Variants in RAB27A observed in about 807,000 individuals in gnomAD.
The protein encoded by RAB27A is ras-related protein Rab-27A.
RAB27A carries 17 observed loss-of-function variants against 20.8 expected under a neutral mutation model. That is an observed-to-expected ratio of 0.82 (90% confidence interval 0.56 to 1.23). The LOEUF is 1.23. Among genes scored for constraint, RAB27A ranks in the 50% most tolerant of loss-of-function variants. The pLI is 0.00. For missense variants in RAB27A, 277 were observed against 266.7 expected, an observed-to-expected ratio of 1.04 and a Z score of -0.27; for synonymous variants, 85 against 92.8, an observed-to-expected ratio of 0.92 and a Z score of 0.48.
At chr15:55,313,805 C>T (rs1404744957) in intron 2 of RAB27A, among the ~76,000 whole-genome samples, 3 of 152,016 alleles carry the variant, frequency 2.0e-5, no homozygotes, top group African/African-American at 7.2e-5. Flanking sequence ...AGCCCTGTCT[C>T]TACTAAAAAT....
intron 2 of RAB27A, among the ~76,000 whole-genome samples, chr15:55,260,588 A>C (rs533088395): frequency 6.6e-6 from 1 of 152,366 alleles, no homozygotes; most frequent in South Asian, 2.1e-4. Flanking sequence ...CATTCAGACA[A>C]TGGAAAATTA....
intron 6 of RAB27A, among the ~76,000 whole-genome samples, chr15:55,205,942 G>A (rs551167780): frequency 2.6e-5 from 4 of 152,012 alleles, no homozygotes; most frequent in Non-Finnish European, 4.4e-5. Flanking sequence ...TTGGCTGGGC[G>A]CAGTGGCTCA....
chr15:55,228,848 G>T, intron 4 of RAB27A, 136 bp from the exon 5 acceptor site: 3 of 710,844 alleles, frequency 4.2e-6, no homozygotes, highest in Non-Finnish European at 5.1e-6. Flanking sequence ...AAGTATATAG[G>T]ATAGTTATTT....
chr15:55,288,958 T>A (rs984116988), intron 1 of RAB27A: 1 of 152,050 alleles, frequency 6.6e-6, no homozygotes, highest in African/African-American at 2.4e-5. Flanking sequence ...CAACCAACCA[T>A]AAAATGTGAG....
chr15:55,241,535 C>A (rs532095851), intron 2 of RAB27A, among the ~76,000 whole-genome samples: 2 of 149,818 alleles, frequency 1.3e-5, no homozygotes, highest in East Asian at 3.9e-4. Context: ...ACTGAGGAGG[C>A]TGAGGCAGAA....
At chr15:55,272,072 TAG>T (rs1182905131) in intron 1 of RAB27A, among the ~76,000 whole-genome samples, 26 of 152,200 alleles carry the variant, frequency 1.7e-4, no homozygotes, top group Non-Finnish European at 5.9e-5. Flanking sequence ...TAAAATTCAT[TAG>T]AGTTAGCTTC....
chr15:55,258,301 G>T lies in RAB27A; in HGVS notation c.-23+11864C>A, dbSNP rs142353366. On this transcript the variant is annotated intron_variant, in intron 2 of 6. Coordinates refer to ENST00000336787, the MANE Select transcript of RAB27A (RefSeq NM_183235.3). ...CCTGTTTTTGGTCTCACTTAACACT[G>T]CTATATGTATGTGCCTGTCTCCTAA... Among the ~76,000 whole-genome samples, 208 of 152,216 alleles carry T rather than the reference G, an allele frequency of 1.4e-3. 2 individuals carry two copies. The highest frequency in any genetic ancestry group is 6.8e-3 in the Middle Eastern group (2 of 294).
intron 2 of RAB27A, among the ~76,000 whole-genome samples, chr15:55,298,631 C>A (rs149034893): frequency 0.029 from 4,439 of 152,234 alleles, 222 homozygotes; most frequent in African/African-American, 0.1. Context: ...GTTTTGAGAG[C>A]AACCAGTCTG....
upstream of RAB27A, among the ~76,000 whole-genome samples, chr15:55,292,144 G>A (rs560278315): frequency 2.6e-5 from 4 of 152,250 alleles, no homozygotes; most frequent in Admixed American, 6.5e-5. Flanking sequence ...GAGGCTGTGC[G>A]GTGAATAACC....
exon 1 of RAB27A, chr15:55,319,051 C>T: frequency 1.6e-6 from 1 of 614,040 alleles, no homozygotes. Context: ...AAGCCAAAGG[C>T]GAGTAGCAAT....
intron 1 of RAB27A, among the ~76,000 whole-genome samples, chr15:55,274,826 G>GAGAGA (rs1897816221): frequency 1.2e-4 from 6 of 49,284 alleles, no homozygotes; most frequent in African/African-American, 4.0e-4. Context: ...ATATATATAT[G>GAGAGA]TATAGAGAGA....
exon 1 of RAB27A, chr15:55,319,110 C>G (rs1171206272): frequency 8.1e-6 from 8 of 990,046 alleles, no homozygotes; most frequent in Non-Finnish European, 7.2e-6. Flanking sequence ...GCCACCACGT[C>G]GGGTGGGAGC....
chr15:55,299,004 T>A (rs1475350690), intron 2 of RAB27A, among the ~76,000 whole-genome samples: 3 of 152,206 alleles, frequency 2.0e-5, no homozygotes, highest in Non-Finnish European at 2.9e-5. Flanking sequence ...ACATGCTGTA[T>A]AATTTGTGCA....
At chr15:55,250,372 AG>A (rs1267717406) in intron 2 of RAB27A, among the ~76,000 whole-genome samples, 4 of 152,220 alleles carry the variant, frequency 2.6e-5, no homozygotes, top group African/African-American at 9.6e-5. Context: ...TACTTTGTTA[AG>A]CTATTTATGG....
intron 1 of RAB27A, among the ~76,000 whole-genome samples, chr15:55,285,613 C>G (rs1898130505): frequency 6.6e-6 from 1 of 152,156 alleles, no homozygotes. Flanking sequence ...GGCAGAAGAA[C>G]AAATACAGTC....
chr15:55,318,120 C>G (rs557154978), intron 1 of RAB27A, among the ~76,000 whole-genome samples: 1 of 134,568 alleles, frequency 7.4e-6, no homozygotes, highest in Non-Finnish European at 1.5e-5. Flanking sequence ...TTTTTTGAGA[C>G]GGAGTCTCGC....
chr15:55,298,721 A>G (rs1371068492), intron 2 of RAB27A, among the ~76,000 whole-genome samples: 1 of 152,178 alleles, frequency 6.6e-6, no homozygotes, highest in Non-Finnish European at 1.5e-5. Context: ...TTTCACCCCT[A>G]CAGTCTACAG....
rs1898069020 is a variant in RAB27A, at chr15:55,283,434, C to T, written c.-143+6282G>A. 2.0e-5 allele frequency among the ~76,000 whole-genome samples: 3 copies of T among 152,268 alleles called. No individual in the cohort carries two copies. In the South Asian group the frequency reaches 6.2e-4, roughly 32 times the overall value. On this transcript the variant is annotated intron_variant, in intron 1 of 6. Coordinates refer to ENST00000336787, the MANE Select transcript of RAB27A (RefSeq NM_183235.3). Reference sequence around the variant, plus strand: ...AGGAAGTCCGGAACACAGGAATGAGCCGCCACCTGAGGAAATACCACAACC... The same window carrying T: ...AGGAAGTCCGGAACACAGGAATGAGTCGCCACCTGAGGAAATACCACAACC...
rs752665899 is a variant in RAB27A, at chr15:55,223,848, T to C, written c.467+41A>G. 1.8e-5 allele frequency: 29 copies of C among 1,607,632 alleles called. No individual in the cohort carries two copies. In the East Asian group the frequency reaches 3.6e-4, roughly 20 times the overall value. ...TACCATTCACCTGCTAATGTTTATATTGAAAATGTTTTCTCTAGACTTCTC... is the reference window on the plus strand; with the variant it reads ...TACCATTCACCTGCTAATGTTTATACTGAAAATGTTTTCTCTAGACTTCTC... On this transcript the variant is annotated intron_variant, in intron 6 of 6. Coordinates refer to ENST00000336787, the MANE Select transcript of RAB27A (RefSeq NM_183235.3).
Sources: gnomAD v4.1 joint callset for allele counts (sites outside exome capture counted in the v4.1 genomes callset) on GRCh38, gnomAD v4.1.1 for gene constraint, MANE v1.5 for transcripts, NCBI Gene and HGNC (gene_info 2026-07-23, HGNC 2026-07-21) for gene names.